SNTA1: variants seen among roughly 807,000 people sequenced by gnomAD.
The protein encoded by SNTA1 is alpha-1-syntrophin.
In SNTA1, 31 loss-of-function variants were observed where a neutral mutation model predicts 47.1. The ratio of observed to expected loss-of-function variants is 0.66; its 90% CI spans 0.49 to 0.89. SNTA1 has a LOEUF of 0.89. Among genes scored for constraint, SNTA1 ranks in the 40% least tolerant of loss-of-function variants. The pLI, the probability that SNTA1 is intolerant of heterozygous loss-of-function variation, is 0.00. For synonymous variants in SNTA1, 300 were observed against 313.6 expected (o/e 0.96, Z 0.46); for missense variants, 575 against 693.0 (o/e 0.83, Z 1.91).
intron 1 of SNTA1, among the ~76,000 whole-genome samples, chr20:33,441,198 G>A (rs1313950875): frequency 6.6e-6 from 1 of 152,184 alleles, no homozygotes; most frequent in African/African-American, 2.4e-5. Context: ...GGTATGTTCA[G>A]TTTCCTATTA....
chr20:33,417,008 G>A (rs1019788593), intron 3 of SNTA1, among the ~76,000 whole-genome samples: 3 of 151,346 alleles, frequency 2.0e-5, no homozygotes, highest in African/African-American at 2.4e-5. Flanking sequence ...AGCTACTTAG[G>A]AGGCTAAGGC....
At chr20:33,418,195 C>T (rs976500516) in intron 2 of SNTA1, among the ~76,000 whole-genome samples, 2 of 151,810 alleles carry the variant, frequency 1.3e-5, no homozygotes. Context: ...AATAGACATA[C>T]AGCCACCTGG....
At chr20:33,429,053 A>C (rs1990232701) in intron 2 of SNTA1, among the ~76,000 whole-genome samples, 1 of 151,438 alleles carries the variant, frequency 6.6e-6, no homozygotes, top group Non-Finnish European at 1.5e-5. Flanking sequence ...AAAAAACAAA[A>C]ATTTTTTGTA....
chr20:33,439,838 G>A (rs1990535900), intron 1 of SNTA1, among the ~76,000 whole-genome samples: 1 of 151,524 alleles, frequency 6.6e-6, no homozygotes, highest in Admixed American at 6.6e-5. Flanking sequence ...CACAAAAAAG[G>A]GCCAGGTGCG....
Position 33,408,408 on chromosome 20 carries a change from TCCCTTCCCTCAGCCCA to T in SNTA1, c.*83_*98del, listed in dbSNP as rs1339848648. 1.1e-6 allele frequency: 1 copy of T among 873,022 alleles called. No homozygotes were observed. The highest frequency in any genetic ancestry group is 1.7e-5 in the African/African-American group (1 of 60,160). The allele number at this position is 873,022 out of a possible 1,614,324, so 54.1% of individuals were successfully genotyped here. ...TTCGGAGGCCCTTGTTCCTCTCCTC[TCCCTTCCCTCAGCCCA>T]GGGGTGAGCAGGCAGTCGGTGGAGG... On this transcript the variant is annotated 3_prime_UTR_variant, in exon 8 of 8. Transcript: ENST00000217381.
intron 2 of SNTA1, among the ~76,000 whole-genome samples, chr20:33,433,162 T>G (rs1022185162): frequency 6.6e-6 from 1 of 152,110 alleles, no homozygotes; most frequent in African/African-American, 2.4e-5. Context: ...ACTCCTGACC[T>G]CAGGTGGTCC....
intron 2 of SNTA1, among the ~76,000 whole-genome samples, chr20:33,425,838 G>A (rs775047153): frequency 2.0e-5 from 3 of 152,158 alleles, no homozygotes; most frequent in Non-Finnish European, 2.9e-5. Flanking sequence ...TCGCGAGGTC[G>A]AGGCGGGCAG....
rs1237620374 is a variant in SNTA1 at position 33,443,649 on chromosome 20, G to A, written c.-29C>T. 8.5e-7 allele frequency: 1 copy of A among 1,182,652 alleles called. No homozygotes were observed. The highest frequency in any genetic ancestry group is 4.3e-5 in the Admixed American group (1 of 23,366). 73.3% of individuals were successfully genotyped at this position (1,182,652 alleles called of 1,614,324 possible). A position where few individuals can be genotyped will look rare whatever the true frequency, so the allele number is the denominator to read the frequency against. ...CGCCTCCGAGCCCCCGGGCCGCCGC[G>A]CTCGCCCTGTCCCGCTTTGCCCAGC... On this transcript the variant is annotated 5_prime_UTR_variant, in exon 1 of 8. Transcript: ENST00000217381.
At chr20:33,413,443 T>C (rs971172720) in intron 3 of SNTA1, among the ~76,000 whole-genome samples, 32 of 152,202 alleles carry the variant, frequency 2.1e-4, no homozygotes, top group African/African-American at 7.7e-4. Flanking sequence ...CGTATGCAGA[T>C]ACACACAAAT....
intron 2 of SNTA1, among the ~76,000 whole-genome samples, chr20:33,436,990 C>T (rs1165426096): frequency 8.3e-6 from 1 of 120,256 alleles, no homozygotes; most frequent in Non-Finnish European, 1.7e-5. Context: ...AAAAGCTAGG[C>T]GCAGGGGCTC....
At chr20:33,432,123 C>A (rs1021161811) in intron 2 of SNTA1, among the ~76,000 whole-genome samples, 3 of 152,242 alleles carry the variant, frequency 2.0e-5, no homozygotes, top group Admixed American at 2.0e-4. Flanking sequence ...TTCATGCCCT[C>A]TTCCTGGGAC....
intron 3 of SNTA1, among the ~76,000 whole-genome samples, chr20:33,416,938 CAAAA>C (rs1161474406): frequency 5.4e-5 from 3 of 56,040 alleles, no homozygotes; most frequent in Non-Finnish European, 7.3e-5. Context: ...GAGACTCTGT[CAAAA>C]AAAAAAAAAA....
intron 2 of SNTA1, among the ~76,000 whole-genome samples, chr20:33,424,996 G>C (rs7363079): frequency 0.43 from 64,888 of 151,522 alleles, 14,699 homozygotes; most frequent in Non-Finnish European, 0.51. Context: ...CACGCCTGTA[G>C]TCCCAGCCAC....
intron 3 of SNTA1, among the ~76,000 whole-genome samples, chr20:33,413,638 A>G (rs1212263058): frequency 4.6e-5 from 7 of 151,922 alleles, no homozygotes; most frequent in African/African-American, 1.7e-4. Flanking sequence ...AAAAAAAAAA[A>G]AAAACTAAGC....
intron 3 of SNTA1, among the ~76,000 whole-genome samples, chr20:33,415,302 G>A (rs1989847897): frequency 6.6e-6 from 1 of 152,168 alleles, no homozygotes; most frequent in Non-Finnish European, 1.5e-5. Flanking sequence ...GATCAGGCTG[G>A]GAATCTAAGG....
chr20:33,410,231 A>G lies in SNTA1; in HGVS notation c.1141T>C (p.Phe381Leu). ...AGCTCCTGCGGTGACTCCACGCTGAACAGGTGAGTGTCCACACCGTGACGC... is the reference window on the plus strand; with the variant it reads ...AGCTCCTGCGGTGACTCCACGCTGAGCAGGTGAGTGTCCACACCGTGACGC... ...GTRHGVDTHL[F>L]SVESPQELAA... Residue 381 changes from phenylalanine (F) to leucine (L), a missense_variant, in exon 6 of 8, where the codon TTC becomes CTC. Phe to Leu is a conservative substitution (Grantham distance 22). Coordinates refer to ENST00000217381, the MANE Select transcript of SNTA1 (RefSeq NM_003098.3). The G allele has an allele frequency of 1.2e-6, 2 of 1,613,892 alleles. No individual in the cohort carries two copies. The highest frequency in any genetic ancestry group is 1.7e-6 in the Non-Finnish European group (2 of 1,179,992).
chr20:33,422,111 G>A (rs183958683), intron 2 of SNTA1, among the ~76,000 whole-genome samples: 1 of 152,034 alleles, frequency 6.6e-6, no homozygotes, highest in Admixed American at 6.6e-5. Context: ...CTCCGATTCT[G>A]TGTGTTAGGG....
rs750828843 is a variant in SNTA1, at chr20:33,438,803, C to T, written c.496+38G>A. ...AGGTAGAGAAGCAGTGGAACACCTC[C>T]ACCCAGCCCCTCTGAACCCTGGAAC... On this transcript the variant is annotated intron_variant, in intron 2 of 7. Transcript: ENST00000217381. 4.5e-6 allele frequency: 7 copies of T among 1,566,476 alleles called. No individual in the cohort carries two copies. In the South Asian group the frequency reaches 7.8e-5, roughly 17 times the overall value.
At chr20:33,409,008 CTGTT>C (rs1487294306) in intron 6 of SNTA1, 120 bp from the exon 7 acceptor site, 6 of 888,578 alleles carry the variant, frequency 6.8e-6, no homozygotes, top group Non-Finnish European at 1.1e-5. Context: ...GGGAGGCTCA[CTGTT>C]TGTCGTGGCA....
Sources: allele counts gnomAD v4.1 joint callset (sites outside exome capture counted in the v4.1 genomes callset), GRCh38; gene constraint gnomAD v4.1.1; transcripts MANE v1.5; gene names NCBI Gene and HGNC (gene_info 2026-07-23, HGNC 2026-07-21).